Variants in ITGA1 observed in about 807,000 individuals in gnomAD.
ITGA1 encodes integrin subunit alpha 1, also known as integrin alpha-1.
Under a neutral mutation model 145.9 loss-of-function variants are expected in ITGA1, and 85 were observed. That is an observed-to-expected ratio of 0.58 (90% CI 0.49 to 0.70). The LOEUF is 0.70. ITGA1 is among the 30% of genes least tolerant of loss of function. ITGA1 has a pLI of 0.00. For synonymous variants in ITGA1, 520 were observed against 495.3 expected, an observed-to-expected ratio of 1.05 and a Z score of -0.66; for missense variants, 1,351 against 1,418.7, an observed-to-expected ratio of 0.95 and a Z score of 0.77.
chr5:52,892,966 G>T (rs1372267769), intron 8 of ITGA1, among the ~76,000 whole-genome samples: 1 of 151,516 alleles, frequency 6.6e-6, no homozygotes, highest in Non-Finnish European at 1.5e-5. Flanking sequence ...TCTAAACAGG[G>T]TGAATTTTAC....
Position 52,945,016 on chromosome 5 carries a change from G to A in ITGA1, c.3359G>A (p.Ser1120Asn). 6.2e-7 allele frequency: 1 copy of A among 1,612,584 alleles called. No individual in the cohort carries two copies. Among genetic ancestry groups the A allele is most frequent in the South Asian group, 1.1e-5 (1 of 91,032 alleles). ...GAAAATGCATCTCTGGTTTTAAGTA[G>A]CAGCAATCAAAAAAGAGAGGTAAGT... ...RSENASLVLS[S>N]SNQKRELAIQ... Residue 1120 changes from serine (S) to asparagine (N), a missense_variant, in exon 27 of 29, where the codon AGC (serine) becomes AAC (asparagine). Physicochemically the swap from Ser to Asn is conservative, Grantham distance 46. Transcript: ENST00000282588.
chr5:52,930,835 C>T (rs1419413830), intron 21 of ITGA1, among the ~76,000 whole-genome samples: 4 of 152,058 alleles, frequency 2.6e-5, no homozygotes, highest in Non-Finnish European at 5.9e-5. Flanking sequence ...ACGCTAGGTA[C>T]TGAATGTCAG....
At chr5:52,831,785 C>T (rs937080028) in intron 1 of ITGA1, among the ~76,000 whole-genome samples, 7 of 151,390 alleles carry the variant, frequency 4.6e-5, no homozygotes, top group African/African-American at 9.7e-5. Flanking sequence ...TATTAATGTC[C>T]GCTGAATGAA....
At chr5:52,934,609 C>T (rs1005620931) in intron 23 of ITGA1, among the ~76,000 whole-genome samples, 9 of 151,374 alleles carry the variant, frequency 5.9e-5, no homozygotes, top group African/African-American at 1.9e-4. Flanking sequence ...CTCTATACCA[C>T]TATAGCAAAC....
intron 14 of ITGA1, among the ~76,000 whole-genome samples, chr5:52,913,043 G>A (rs1392622164): frequency 1.3e-5 from 2 of 151,960 alleles, no homozygotes; most frequent in Admixed American, 6.6e-5. Flanking sequence ...ACCGTGCCTG[G>A]CCGTAATTAC....
Position 52,897,444 on chromosome 5 carries a change from CTA to C in ITGA1, c.1091-9_1091-8del. ...GTTACTTATTTACAGTGATATTTTC[CTA>C]TGTTATAGCCACAGCTGACCAGTCA... On this transcript the variant is annotated splice_polypyrimidine_tract_variant and intron_variant, in intron 9 of 28. Transcript: ENST00000282588. 6.3e-7 allele frequency: 1 copy of C among 1,592,960 alleles called. No homozygotes were observed. The highest frequency in any genetic ancestry group is 8.6e-7 in the Non-Finnish European group (1 of 1,162,170).
At chr5:52,923,474 T>C (rs1220227985) in intron 18 of ITGA1, among the ~76,000 whole-genome samples, 1 of 152,148 alleles carries the variant, frequency 6.6e-6, no homozygotes, top group African/African-American at 2.4e-5. Context: ...CTCAGCTATC[T>C]ACTGTTTAAC....
chr5:52,951,636 T>C (rs1021216597), intron 28 of ITGA1, among the ~76,000 whole-genome samples: 15 of 152,090 alleles, frequency 9.9e-5, no homozygotes, highest in Non-Finnish European at 1.6e-4. Context: ...TACAGACAAC[T>C]CAGAAATCTC....
chr5:52,813,473 C>T (rs1225500799), intron 1 of ITGA1, among the ~76,000 whole-genome samples: 1 of 152,050 alleles, frequency 6.6e-6, no homozygotes, highest in Non-Finnish European at 1.5e-5. Context: ...TCTGATAATA[C>T]AAGAAATGAA....
intron 12 of ITGA1, among the ~76,000 whole-genome samples, chr5:52,908,678 C>G (rs1258017639): frequency 2.6e-5 from 4 of 152,166 alleles, no homozygotes; most frequent in Non-Finnish European, 5.9e-5. Flanking sequence ...GCGATGAAAT[C>G]TGTAACAGCT....
intron 24 of ITGA1, among the ~76,000 whole-genome samples, chr5:52,938,272 C>G (rs932926616): frequency 6.6e-6 from 1 of 152,150 alleles, no homozygotes; most frequent in African/African-American, 2.4e-5. Flanking sequence ...TGTATTTACT[C>G]ACATCCCAAA....
intron 24 of ITGA1, among the ~76,000 whole-genome samples, chr5:52,939,322 A>G (rs1751018355): frequency 6.6e-6 from 1 of 152,224 alleles, no homozygotes; most frequent in Non-Finnish European, 1.5e-5. Context: ...AGTAAGTTCT[A>G]TTAGCATTCT....
rs371548121 is a variant in ITGA1 at position 52,939,815 on chromosome 5, T to C, written c.3181-25T>C. ...TTTGATAAAACGGCAAGAATACTGATATGTATCTCTGGACATTTAAACAGG... is the reference window on the plus strand; with the variant it reads ...TTTGATAAAACGGCAAGAATACTGACATGTATCTCTGGACATTTAAACAGG... On this transcript the variant is annotated intron_variant, in intron 25 of 28. Transcript: ENST00000282588. The C allele has an allele frequency of 1.2e-3, 1,785 of 1,483,676 alleles. 27 individuals carry two copies. The South Asian group carries it at 0.014, about 11-fold the overall frequency. The allele number at this position is 1,483,676 out of a possible 1,614,324, so 91.9% of individuals were successfully genotyped here. A position where few individuals can be genotyped will look rare whatever the true frequency, so the allele number is the denominator to read the frequency against.
chr5:52,920,311 T>C (rs762751052), intron 16 of ITGA1, 21 bp from the exon 17 acceptor site: 1 of 1,553,998 alleles, frequency 6.4e-7, no homozygotes, highest in African/African-American at 1.4e-5. Flanking sequence ...TTCCATCAAT[T>C]ATTTTTTAAA....
At chr5:52,897,578 C>G in intron 10 of ITGA1, 50 bp downstream of exon 10, 1 of 1,406,936 alleles carries the variant, frequency 7.1e-7, no homozygotes. Flanking sequence ...CAAGACTTCC[C>G]TTCCCAAAAC....
At chr5:52,870,964 G>T (rs2111786320) in intron 6 of ITGA1, among the ~76,000 whole-genome samples, 1 of 152,314 alleles carries the variant, frequency 6.6e-6, no homozygotes, top group African/African-American at 2.4e-5. Context: ...TAATACCAAT[G>T]CAGTAATAAT....
intron 1 of ITGA1, among the ~76,000 whole-genome samples, chr5:52,815,263 A>G (rs1244128148): frequency 1.3e-5 from 2 of 152,314 alleles, no homozygotes; most frequent in Non-Finnish European, 2.9e-5. Context: ...TAAAAATATA[A>G]AAATATAGCC....
intron 28 of ITGA1, among the ~76,000 whole-genome samples, chr5:52,951,550 A>C (rs1296888169): frequency 6.6e-6 from 1 of 152,168 alleles, no homozygotes; most frequent in Non-Finnish European, 1.5e-5. Context: ...TTTATTTCCA[A>C]ATGATATAGT....
chr5:52,916,431 A>T (rs1435082416), intron 15 of ITGA1, among the ~76,000 whole-genome samples: 2 of 152,204 alleles, frequency 1.3e-5, no homozygotes, highest in African/African-American at 4.8e-5. Flanking sequence ...GGGTGGAAAC[A>T]TACATCAATG....
Sources: allele counts gnomAD v4.1 joint callset (sites outside exome capture counted in the v4.1 genomes callset), GRCh38; gene constraint gnomAD v4.1.1; transcripts MANE v1.5; gene names NCBI Gene and HGNC (gene_info 2026-07-23, HGNC 2026-07-21).